Variants in ASTN2 observed in about 807,000 individuals in gnomAD.
ASTN2 encodes the protein astrotactin 2, also known as astrotactin-2.
A neutral mutation model predicts 139.8 loss-of-function variants in ASTN2; 54 were observed. The observed-to-expected ratio is 0.39, with a 90% CI of 0.31 to 0.48. ASTN2 has a LOEUF of 0.48. ASTN2 is among the 20% of genes least tolerant of loss of function. ASTN2 has a pLI of 0.95. For synonymous variants in ASTN2, 756 were observed against 719.5 expected (o/e 1.05, Z -0.81); for missense variants, 1,565 against 1,725.1 (o/e 0.91, Z 1.64).
chr9:117,016,809 T>G (rs1301806339), intron 6 of ASTN2, among the ~76,000 whole-genome samples: 2 of 78,212 alleles, frequency 2.6e-5, no homozygotes, highest in Admixed American at 1.4e-4. Flanking sequence ...GTTATATATA[T>G]GTTTTATATA....
chr9:116,680,248 C>G (rs11506781), intron 16 of ASTN2, among the ~76,000 whole-genome samples: 43,754 of 151,994 alleles, frequency 0.29, 7,156 homozygotes, highest in Admixed American at 0.42. Flanking sequence ...ACAAACACCT[C>G]TACGCAAATA....
chr9:116,821,859 C>T (rs1330227823), intron 11 of ASTN2, among the ~76,000 whole-genome samples: 2 of 152,050 alleles, frequency 1.3e-5, no homozygotes, highest in Non-Finnish European at 2.9e-5. Flanking sequence ...AGACAGATGG[C>T]TATTGATTAA....
chr9:117,277,979 C>A (rs773481153), intron 2 of ASTN2, among the ~76,000 whole-genome samples: 1 of 152,178 alleles, frequency 6.6e-6, no homozygotes, highest in Non-Finnish European at 1.5e-5. Context: ...TTTTCTACCT[C>A]AATTCCAACC....
intron 10 of ASTN2, among the ~76,000 whole-genome samples, chr9:116,905,489 T>G (rs1834129820): frequency 6.6e-6 from 1 of 152,092 alleles, no homozygotes. Flanking sequence ...AAGGGAGTAT[T>G]TGGACACAGG....
At chr9:117,219,879 G>A (rs1832457367) in intron 2 of ASTN2, among the ~76,000 whole-genome samples, 1 of 152,158 alleles carries the variant, frequency 6.6e-6, no homozygotes, top group African/African-American at 2.4e-5. Context: ...GAGGGTGGGA[G>A]GTGTCAAGGG....
chr9:116,711,942 A>G (rs1828175196), intron 16 of ASTN2, among the ~76,000 whole-genome samples: 1 of 152,190 alleles, frequency 6.6e-6, no homozygotes, highest in Non-Finnish European at 1.5e-5. Flanking sequence ...GTCAAGCCCT[A>G]TCCCACACTA....
At chr9:117,094,906 G>A (rs780212055) in intron 5 of ASTN2, among the ~76,000 whole-genome samples, 3 of 152,160 alleles carry the variant, frequency 2.0e-5, no homozygotes, top group Non-Finnish European at 4.4e-5. Flanking sequence ...CTTACAGAAG[G>A]CAAATAACTT....
intron 3 of ASTN2, among the ~76,000 whole-genome samples, chr9:117,193,435 C>A (rs1174000909): frequency 6.6e-6 from 1 of 151,758 alleles, no homozygotes. Flanking sequence ...GTGAGGAGAT[C>A]GAGACCATCC....
intron 13 of ASTN2, among the ~76,000 whole-genome samples, chr9:116,765,980 A>T (rs1829796065): frequency 6.6e-6 from 1 of 152,086 alleles, no homozygotes; most frequent in East Asian, 1.9e-4. Flanking sequence ...TGGGCAAATA[A>T]TTTTCTCTTT....
chr9:117,411,477 C>T lies in ASTN2; in HGVS notation c.442+3020G>A, dbSNP rs1831160276. Among the ~76,000 whole-genome samples, 3 of 141,684 alleles carry T rather than the reference C, an allele frequency of 2.1e-5. No individual in the cohort carries two copies. In the South Asian group the frequency reaches 6.8e-4, roughly 32 times the overall value. The allele number at this position is 141,684 out of a possible 152,430, so 93.0% of individuals were successfully genotyped here. A position where few individuals can be genotyped will look rare whatever the true frequency, so the allele number is the denominator to read the frequency against. ...AAAAAAAAAAAAAAAAAAAGACTTG[C>T]TTCCAGTCTGGGCATTACCAATAAC... On this transcript the variant is annotated intron_variant, in intron 1 of 22. Coordinates refer to ENST00000313400, the MANE Select transcript of ASTN2 (RefSeq NM_001365068.1).
chr9:116,579,617 A>G (rs1853865578), intron 19 of ASTN2, among the ~76,000 whole-genome samples: 1 of 152,216 alleles, frequency 6.6e-6, no homozygotes, highest in Non-Finnish European at 1.5e-5. Context: ...GCAATGGTAC[A>G]TGCCTGTAGA....
chr9:116,515,381 G>A (rs1587920557), intron 19 of ASTN2, among the ~76,000 whole-genome samples: 1 of 152,126 alleles, frequency 6.6e-6, no homozygotes, highest in East Asian at 1.9e-4. Context: ...TCTAAGAATG[G>A]TTTCCTCTCT....
At chr9:117,372,531 A>C (rs927712056) in intron 1 of ASTN2, among the ~76,000 whole-genome samples, 2 of 152,158 alleles carry the variant, frequency 1.3e-5, no homozygotes, top group Non-Finnish European at 2.9e-5. Context: ...AACTCACTTC[A>C]TCTCACTGAG....
At chr9:117,385,750 C>A (rs1830378900) in intron 1 of ASTN2, among the ~76,000 whole-genome samples, 1 of 151,038 alleles carries the variant, frequency 6.6e-6, no homozygotes, top group Non-Finnish European at 1.5e-5. Flanking sequence ...AAGAAAGGAG[C>A]AAGAGAGAGG....
At chr9:116,897,106 C>A (rs955097889) in intron 10 of ASTN2, among the ~76,000 whole-genome samples, 1 of 152,168 alleles carries the variant, frequency 6.6e-6, no homozygotes, top group African/African-American at 2.4e-5. Flanking sequence ...AGGCCATCAT[C>A]ACTGCCCACC....
chr9:116,843,520 G>A (rs35260172), intron 11 of ASTN2, among the ~76,000 whole-genome samples: 33,623 of 133,948 alleles, frequency 0.25, 4,345 homozygotes, highest in Non-Finnish European at 0.33. Context: ...TTAGCCAGGG[G>A]TGGTGGCGGG....
intron 13 of ASTN2, among the ~76,000 whole-genome samples, chr9:116,795,719 C>T (rs1830671964): frequency 6.6e-6 from 1 of 152,174 alleles, no homozygotes; most frequent in African/African-American, 2.4e-5. Flanking sequence ...CCATCTTCAT[C>T]TGCTGTATGG....
At chr9:116,502,008 G>A (rs1418766782) in intron 19 of ASTN2, among the ~76,000 whole-genome samples, 5 of 152,048 alleles carry the variant, frequency 3.3e-5, no homozygotes, top group Non-Finnish European at 7.4e-5. Flanking sequence ...GCCTCCAGAA[G>A]GGTGGGGAGA....
intron 1 of ASTN2, among the ~76,000 whole-genome samples, chr9:117,297,729 G>C (rs1305909477): frequency 6.6e-6 from 1 of 152,168 alleles, no homozygotes; most frequent in East Asian, 1.9e-4. Flanking sequence ...CATAGCTGTA[G>C]GAAAGGGCTA....
Sources: allele counts gnomAD v4.1 joint callset (sites outside exome capture counted in the v4.1 genomes callset), GRCh38; gene constraint gnomAD v4.1.1; transcripts MANE v1.5; gene names NCBI Gene and HGNC (gene_info 2026-07-23, HGNC 2026-07-21).